NLRP11: variants seen among roughly 807,000 people sequenced by gnomAD.
NLRP11 encodes the protein NACHT, LRR and PYD domains-containing protein 11.
Under a neutral mutation model 79.3 loss-of-function variants are expected in NLRP11, and 53 were observed. The observed-to-expected ratio is 0.67, with a 90% CI of 0.54 to 0.84. The LOEUF (loss-of-function observed/expected upper bound fraction) is 0.84, where lower values mean the gene tolerates loss of function less well. Among genes scored for constraint, NLRP11 ranks in the 40% least tolerant of loss-of-function variants. NLRP11 has a pLI of 0.00. For missense variants in NLRP11, 1,264 were observed against 1,255.0 expected (o/e 1.01, Z -0.11); for synonymous variants, 518 against 462.6 (o/e 1.12, Z -1.54).
chr19:55,807,130 C>A (rs1327551467), intron 4 of NLRP11, among the ~76,000 whole-genome samples: 1 of 152,004 alleles, frequency 6.6e-6, no homozygotes, highest in African/African-American at 2.4e-5. Context: ...CTTTTTTCCC[C>A]CCATTGATAT....
chr19:55,792,391 AGTT>A, exon 7 of NLRP11: 1 of 1,614,074 alleles, frequency 6.2e-7, no homozygotes, highest in Non-Finnish European at 8.5e-7. Flanking sequence ...ACACAGGTCT[AGTT>A]GTCTTAGAGT....
exon 9 of NLRP11, chr19:55,788,827 A>C: frequency 6.2e-7 from 1 of 1,613,104 alleles, no homozygotes; most frequent in African/African-American, 1.3e-5. Context: ...TAAGTACACA[A>C]TCTGGGCTGA....
chr19:55,833,806 C>T (rs1343808755), upstream of NLRP11, among the ~76,000 whole-genome samples: 8 of 142,516 alleles, frequency 5.6e-5, no homozygotes, highest in East Asian at 6.0e-4. Flanking sequence ...TATTGGCACA[C>T]GGATGAACAA....
Position 55,809,638 on chromosome 19 carries a change from C to A in NLRP11, c.972G>T (p.Gln324His). The change falls in exon 3 of 10, where the codon CAG becomes CAT. Residue 324 changes from glutamine to histidine, a missense_variant. By Grantham distance (24) the Gln-to-His change is conservative. Coordinates refer to ENST00000589093, the Ensembl canonical transcript of NLRP11. This position sits in a 1 kb window ranked among gnomAD's most constrained non-coding sequence, Gnocchi z 4.5. ...CGAGTATTTCATCCTCATGTACAAG[C>A]TGGAGGGCTGCCGACGCCCTCTGGC... is the stretch of plus-strand genomic sequence containing the variant. 1 of 1,614,216 alleles carries A rather than the reference C, an allele frequency of 6.2e-7. No homozygotes were observed. The highest frequency in any genetic ancestry group is 8.5e-7 in the Non-Finnish European group (1 of 1,180,042).
intron 1 of NLRP11, among the ~76,000 whole-genome samples, chr19:55,822,546 G>C (rs1327605283): frequency 6.6e-6 from 1 of 151,900 alleles, no homozygotes; most frequent in Non-Finnish European, 1.5e-5. Context: ...GCGCAGGTCA[G>C]TGGATGCGCG....
At chr19:55,834,143 T>C (rs1983037644), upstream of NLRP11, among the ~76,000 whole-genome samples, 1 of 152,196 alleles carries the variant, frequency 6.6e-6, no homozygotes, top group Non-Finnish European at 1.5e-5. Flanking sequence ...TTTGATCAAT[T>C]TGATTTCATT....
exon 3 of NLRP11, chr19:55,808,953 G>A (rs768314912): frequency 1.2e-6 from 2 of 1,613,918 alleles, no homozygotes; most frequent in East Asian, 4.5e-5. Flanking sequence ...TCTTCTTCCC[G>A]ATTCTCATAG....
At chr19:55,794,974 AAAC>A (rs1978685542) in intron 6 of NLRP11, among the ~76,000 whole-genome samples, 2 of 152,188 alleles carry the variant, frequency 1.3e-5, no homozygotes, top group Admixed American at 6.5e-5. Context: ...CGAAACAAAA[AAAC>A]AAGATGACCT....
intron 6 of NLRP11, among the ~76,000 whole-genome samples, chr19:55,793,555 C>CAAAAAA (rs1385442204): frequency 1.6e-4 from 5 of 30,668 alleles, no homozygotes; most frequent in South Asian, 1.3e-3. Flanking sequence ...GTGACTGTCT[C>CAAAAAA]CAAAAAAAAA....
intron 6 of NLRP11, among the ~76,000 whole-genome samples, chr19:55,793,410 A>C (rs764515950): frequency 6.6e-6 from 1 of 151,912 alleles, no homozygotes; most frequent in Non-Finnish European, 1.5e-5. Context: ...CTCTGCTAAA[A>C]ATACAAAAAT....
At chr19:55,798,321 T>C in intron 5 of NLRP11, 2 of 985,124 alleles carry the variant, frequency 2.0e-6, no homozygotes, top group Non-Finnish European at 2.4e-6. Context: ...GGAATGAAAG[T>C]GAAAGCCGTT....
chr19:55,803,230 T>C (rs1979653516), intron 4 of NLRP11, among the ~76,000 whole-genome samples: 1 of 151,806 alleles, frequency 6.6e-6, no homozygotes, highest in African/African-American at 2.4e-5. Context: ...GCCTGTAGTC[T>C]CAACTACTTG....
chr19:55,831,615 ACATAGAAGAATAGCATC>A (rs1982795515), intron 1 of NLRP11, among the ~76,000 whole-genome samples: 1 of 152,172 alleles, frequency 6.6e-6, no homozygotes, highest in Admixed American at 6.5e-5. Context: ...TTTATACATC[ACATAGAAGAATAGCATC>A]CATAAGGCTA....
chr19:55,829,938 A>G (rs1001265325), intron 1 of NLRP11, among the ~76,000 whole-genome samples: 1 of 152,168 alleles, frequency 6.6e-6, no homozygotes, highest in Non-Finnish European at 1.5e-5. Flanking sequence ...GTAGACTCAC[A>G]TCTATATTGA....
Position 55,809,113 on chromosome 19 carries a change from T to C in NLRP11, c.1497A>G (p.Leu499=), listed in dbSNP as rs1215973182. ...CAAGAATCTTTCTCCTGTTTGCATT[T>C]AGAAGACCAAAAATGAAAGTAAACA... Residue 499 remains leucine, a synonymous_variant, in exon 3 of 10, where the codon CTA becomes CTG. Coordinates refer to ENST00000589093, the Ensembl canonical transcript of NLRP11. This position sits in a 1 kb window ranked among gnomAD's most constrained non-coding sequence, Gnocchi z 4.5. 6 of 1,613,852 alleles carry C rather than the reference T, an allele frequency of 3.7e-6. No homozygotes were observed. Among genetic ancestry groups the C allele is most frequent in the South Asian group, 2.2e-5 (2 of 91,076 alleles).
intron 8 of NLRP11, 56 bp downstream of exon 8, chr19:55,789,173 C>A: frequency 6.5e-7 from 1 of 1,540,512 alleles, no homozygotes; most frequent in Non-Finnish European, 8.8e-7. Flanking sequence ...TCCTCTTGTG[C>A]TTTTCTTCAG....
intron 5 of NLRP11, chr19:55,798,259 A>G (rs1024437685): frequency 1.1e-6 from 1 of 927,112 alleles, no homozygotes; most frequent in East Asian, 1.2e-4. Flanking sequence ...CGGCCTCCCA[A>G]AGTGTTGGGA....
intron 2 of NLRP11, among the ~76,000 whole-genome samples, chr19:55,814,277 G>A (rs958528723): frequency 6.6e-6 from 1 of 152,144 alleles, no homozygotes; most frequent in African/African-American, 2.4e-5. Flanking sequence ...CTAGTGGCAG[G>A]AAAATGAGCT....
At chr19:55,834,811 T>C (rs1983092803), upstream of NLRP11, among the ~76,000 whole-genome samples, 1 of 152,214 alleles carries the variant, frequency 6.6e-6, no homozygotes, top group Non-Finnish European at 1.5e-5. Context: ...CAAACTCGCA[T>C]TGATTAATCT....
Sources: gnomAD v4.1 joint callset for allele counts (sites outside exome capture counted in the v4.1 genomes callset) on GRCh38, gnomAD v4.1.1 for gene constraint, Gnocchi (gnomAD v3.1) non-coding constraint, MANE v1.5 for transcripts, NCBI Gene and HGNC (gene_info 2026-07-23, HGNC 2026-07-21) for gene names.